The following ABI3BP variants were observed in gnomAD, a reference collection of about 807,000 sequenced individuals.
ABI3BP encodes the protein target of Nesh-SH3.
A neutral mutation model predicts 268.6 loss-of-function variants in ABI3BP; 216 were observed. The observed-to-expected ratio is 0.80, with a 90% CI of 0.72 to 0.90. The LOEUF (loss-of-function observed/expected upper bound fraction) is 0.90, where lower values mean the gene tolerates loss of function less well. Ranked by LOEUF, ABI3BP falls within the 40% of genes least tolerant of loss-of-function variation. The pLI is 0.00. For missense variants in ABI3BP, 2,090 were observed against 2,182.4 expected (o/e 0.96, Z 0.84); for synonymous variants, 730 against 730.0 (o/e 1.00, Z 0.00).
chr3:100,960,933 G>A (rs139300233), intron 1 of ABI3BP, among the ~76,000 whole-genome samples: 1,804 of 152,286 alleles, frequency 0.012, 15 homozygotes, highest in Non-Finnish European at 0.019. Context: ...TTTCATTTCA[G>A]TCTTGTAAGA....
In ABI3BP at chr3:100,816,591, T is replaced by C. The variant is rs1028532754; in HGVS notation, c.3229+97A>G. The C allele has an allele frequency of 5.0e-5, 48 of 956,646 alleles. No individual in the cohort carries two copies. In the Admixed American group the frequency reaches 5.2e-4, roughly 10 times the overall value. The allele number at this position is 956,646 out of a possible 1,614,324, so 59.3% of individuals were successfully genotyped here. On this transcript the variant is annotated intron_variant, in intron 43 of 67. Coordinates refer to ENST00000471714, the MANE Select transcript of ABI3BP (RefSeq NM_001375547.2). ...TGATTCTTAGAAAACATGATGACTG[T>C]TACTTCCCGTCATAGGCATTTCTTT...
intron 6 of ABI3BP, among the ~76,000 whole-genome samples, chr3:100,880,622 G>C (rs1366472187): frequency 6.6e-6 from 1 of 152,118 alleles, no homozygotes; most frequent in East Asian, 1.9e-4. Context: ...AGAGTCTAAA[G>C]GGTGATGCCC....
At chr3:100,830,110 C>CATATATATATATATATAT (rs559297681) in intron 32 of ABI3BP, among the ~76,000 whole-genome samples, 1 of 44,758 alleles carries the variant, frequency 2.2e-5, no homozygotes, top group Non-Finnish European at 4.3e-5. Context: ...TACATACATA[C>CATATATATATATATATAT]ATATATATAT....
At chr3:100,753,061 AATAC>A (rs1369330456) in intron 65 of ABI3BP, 113 bp from the exon 66 acceptor site, 92 of 917,248 alleles carry the variant, frequency 1.0e-4, no homozygotes, top group Non-Finnish European at 1.3e-4. Context: ...CCCCATGCTA[AATAC>A]TGGAGCCAAA....
chr3:100,770,111 A>G (rs1221408683), intron 62 of ABI3BP, among the ~76,000 whole-genome samples: 1 of 152,256 alleles, frequency 6.6e-6, no homozygotes, highest in South Asian at 2.1e-4. Flanking sequence ...GCTATTTGCT[A>G]TATCCTCTAG....
chr3:100,925,714 TA>T (rs572366547), intron 2 of ABI3BP, among the ~76,000 whole-genome samples: 33 of 150,054 alleles, frequency 2.2e-4, no homozygotes, highest in African/African-American at 2.7e-4. Flanking sequence ...GTGCCAGGCT[TA>T]AAAAAAAAAT....
At chr3:100,824,355 T>A (rs148123823) in intron 36 of ABI3BP, among the ~76,000 whole-genome samples, 2 of 152,252 alleles carry the variant, frequency 1.3e-5, no homozygotes, top group African/African-American at 4.8e-5. Flanking sequence ...AAGGTCCAAG[T>A]CCAGCCCACC....
At chr3:100,889,374 G>C (rs2043440059) in intron 4 of ABI3BP, among the ~76,000 whole-genome samples, 1 of 152,102 alleles carries the variant, frequency 6.6e-6, no homozygotes, top group South Asian at 2.1e-4. Context: ...TTCAACTGTG[G>C]TGCTAGGCAA....
intron 1 of ABI3BP, among the ~76,000 whole-genome samples, chr3:100,977,682 C>T (rs561730591): frequency 7.9e-5 from 12 of 152,266 alleles, no homozygotes; most frequent in African/African-American, 2.9e-4. Flanking sequence ...TACATATTTT[C>T]ACTTCACTTT....
At chr3:100,774,780 C>T (rs2096653755) in intron 60 of ABI3BP, 107 bp from the exon 61 acceptor site, 2 of 897,448 alleles carry the variant, frequency 2.2e-6, no homozygotes, top group African/African-American at 3.4e-5. Flanking sequence ...TTGTAAACTG[C>T]TTGCAGTTTT....
At chr3:100,891,318 A>G (rs1561337952) in intron 4 of ABI3BP, among the ~76,000 whole-genome samples, 1 of 152,200 alleles carries the variant, frequency 6.6e-6, no homozygotes, top group African/African-American at 2.4e-5. Context: ...TATTAGTGCT[A>G]TCTGAAATGG....
At chr3:100,810,669 G>C (rs561643218) in intron 48 of ABI3BP, among the ~76,000 whole-genome samples, 192 bp from the exon 49 acceptor site, 1 of 152,018 alleles carries the variant, frequency 6.6e-6, no homozygotes, top group Non-Finnish European at 1.5e-5. Flanking sequence ...AGCTTACAAA[G>C]TACTTCTAAA....
chr3:100,813,149 G>C (rs750584071), intron 45 of ABI3BP, among the ~76,000 whole-genome samples: 50 of 152,148 alleles, frequency 3.3e-4, no homozygotes, highest in Non-Finnish European at 6.6e-4. Flanking sequence ...CCAAAGTGTT[G>C]GGATTACAGG....
chr3:100,777,359 G>T (rs2150161020), intron 59 of ABI3BP, among the ~76,000 whole-genome samples: 1 of 152,294 alleles, frequency 6.6e-6, no homozygotes, highest in Middle Eastern at 3.4e-3. Flanking sequence ...TCAGTATGAG[G>T]TAAAGCTTCT....
At chr3:100,855,302 T>C (rs1427498251) in intron 14 of ABI3BP, among the ~76,000 whole-genome samples, 1 of 152,236 alleles carries the variant, frequency 6.6e-6, no homozygotes, top group African/African-American at 2.4e-5. Context: ...CCAATAAAAA[T>C]GCCCTGATAC....
chr3:100,793,928 A>G (rs2097266573), intron 54 of ABI3BP, among the ~76,000 whole-genome samples: 1 of 152,020 alleles, frequency 6.6e-6, no homozygotes, highest in African/African-American at 2.4e-5. Context: ...GAACTCCTTG[A>G]AAGCATGTTC....
chr3:100,791,005 G>A (rs1158970918), intron 55 of ABI3BP, among the ~76,000 whole-genome samples: 2 of 151,782 alleles, frequency 1.3e-5, no homozygotes, highest in African/African-American at 4.8e-5. Context: ...TTATAAAAGA[G>A]CTTAAATATA....
chr3:100,844,399 G>T, intron 20 of ABI3BP: 4 of 985,384 alleles, frequency 4.1e-6, no homozygotes, highest in Non-Finnish European at 4.8e-6. Context: ...GCGCTGAATT[G>T]TACTTATAAA....
intron 1 of ABI3BP, among the ~76,000 whole-genome samples, chr3:100,954,975 CTTT>C (rs71299382): frequency 3.9e-4 from 37 of 94,758 alleles, no homozygotes; most frequent in South Asian, 1.1e-3. Flanking sequence ...TAAATTTTGT[CTTT>C]TTTTTTTTTT....
Sources: gnomAD v4.1 joint callset for allele counts (sites outside exome capture counted in the v4.1 genomes callset) on GRCh38, gnomAD v4.1.1 for gene constraint, MANE v1.5 for transcripts, NCBI Gene and HGNC (gene_info 2026-07-23, HGNC 2026-07-21) for gene names.